GNA14: variants seen among roughly 807,000 people sequenced by gnomAD.
GNA14 encodes the protein G protein subunit alpha 14, also known as guanine nucleotide-binding protein subunit alpha-14.
A neutral mutation model predicts 42.0 loss-of-function variants in GNA14; 50 were observed. The observed-to-expected ratio is 1.19, with a 90% CI of 0.95 to 1.51. The LOEUF is 1.51. GNA14 is among the 40% of genes most tolerant of loss of function. The probability of loss-of-function intolerance (pLI) is 0.00; values close to 1 mark genes in which losing one functional copy is unlikely to be tolerated. For missense variants in GNA14, 473 were observed against 446.2 expected (o/e 1.06, Z -0.54); for synonymous variants, 173 against 163.1 (o/e 1.06, Z -0.46).
chr9:77,579,861 C>T (rs1327922809), intron 1 of GNA14, among the ~76,000 whole-genome samples: 1 of 152,166 alleles, frequency 6.6e-6, no homozygotes, highest in African/African-American at 2.4e-5. Context: ...CCACCAATCC[C>T]CTTGCTAGTT....
At chr9:77,534,919 G>A (rs926463528) in intron 1 of GNA14, among the ~76,000 whole-genome samples, 1 of 152,228 alleles carries the variant, frequency 6.6e-6, no homozygotes. Flanking sequence ...CAGAGTGGAT[G>A]AGTCTGTTGT....
At chr9:77,581,836 T>G (rs1175091994) in intron 1 of GNA14, among the ~76,000 whole-genome samples, 2 of 152,168 alleles carry the variant, frequency 1.3e-5, no homozygotes, top group African/African-American at 4.8e-5. Context: ...GTGGCTCTCC[T>G]CTGCCACCTT....
At chr9:77,620,356 C>T (rs1298401593) in intron 1 of GNA14, among the ~76,000 whole-genome samples, 6 of 152,116 alleles carry the variant, frequency 3.9e-5, no homozygotes. Context: ...AGATAACATC[C>T]AGCTTTTTCA....
At chr9:77,493,089 G>A (rs1587797675) in intron 2 of GNA14, among the ~76,000 whole-genome samples, 1 of 146,350 alleles carries the variant, frequency 6.8e-6, no homozygotes, top group Non-Finnish European at 1.5e-5. Flanking sequence ...GGAGCCAGCA[G>A]TCCTGGCACT....
chr9:77,431,194 T>C (rs1206894010), intron 4 of GNA14, 127 bp downstream of exon 4: 7 of 823,194 alleles, frequency 8.5e-6, no homozygotes, highest in South Asian at 2.2e-5. Flanking sequence ...CTAAATACCC[T>C]TGGCAGAGAG....
At chr9:77,469,365 T>TAAA (rs10537760) in intron 2 of GNA14, among the ~76,000 whole-genome samples, 11 of 116,928 alleles carry the variant, frequency 9.4e-5, no homozygotes, top group African/African-American at 1.6e-4. Context: ...TAAACTGTGT[T>TAAA]AAAAAAAAAA....
At chr9:77,597,335 C>T (rs1390803567) in intron 1 of GNA14, among the ~76,000 whole-genome samples, 1 of 152,080 alleles carries the variant, frequency 6.6e-6, no homozygotes, top group East Asian at 1.9e-4. Context: ...AAACCCTTTT[C>T]GTCTCATAGC....
At chr9:77,622,157 C>T (rs1823933826) in intron 1 of GNA14, among the ~76,000 whole-genome samples, 1 of 152,174 alleles carries the variant, frequency 6.6e-6, no homozygotes, top group African/African-American at 2.4e-5. Flanking sequence ...CAATATTAGA[C>T]TGATGAGTTT....
rs34368561 is a variant in GNA14 at position 77,623,216 on chromosome 9, C to CAAAAAAAAAAAAAAAAAAAAAAAAAA, written c.124+24428_124+24453dup. ...TGGGCAAAAGAGTGAGACGCTGTCT[C>CAAAAAAAAAAAAAAAAAAAAAAAAAA]AAAAAAAAAAAAAAAAAAAAAAAAA... On this transcript the variant is annotated intron_variant, in intron 1 of 6. Coordinates refer to ENST00000341700, the MANE Select transcript of GNA14 (RefSeq NM_004297.4). Among the ~76,000 whole-genome samples the CAAAAAAAAAAAAAAAAAAAAAAAAAA allele has an allele frequency of 2.6e-4, 7 of 26,854 alleles. 2 individuals are homozygous for CAAAAAAAAAAAAAAAAAAAAAAAAAA. The highest frequency in any genetic ancestry group is 6.4e-4 in the Non-Finnish European group (5 of 7,782). 17.6% of individuals were successfully genotyped at this position (26,854 alleles called of 152,430 possible).
chr9:77,524,168 T>C (rs911934194), intron 2 of GNA14, among the ~76,000 whole-genome samples: 2 of 152,168 alleles, frequency 1.3e-5, no homozygotes, highest in Non-Finnish European at 1.5e-5. Context: ...CAAATACATA[T>C]GAATCATTTC....
intron 2 of GNA14, among the ~76,000 whole-genome samples, chr9:77,528,807 C>T (rs1037071005): frequency 6.6e-6 from 1 of 152,148 alleles, no homozygotes; most frequent in Non-Finnish European, 1.5e-5. Context: ...TTCTCAGCGC[C>T]GGAAATAAGG....
chr9:77,433,206 C>T (rs922431228), intron 3 of GNA14, among the ~76,000 whole-genome samples: 1 of 152,082 alleles, frequency 6.6e-6, no homozygotes, highest in Non-Finnish European at 1.5e-5. Flanking sequence ...GAAGGAGGTA[C>T]GTCTGGGGAA....
At chr9:77,576,266 T>C (rs1823127089) in intron 1 of GNA14, among the ~76,000 whole-genome samples, 1 of 152,136 alleles carries the variant, frequency 6.6e-6, no homozygotes, top group Admixed American at 6.6e-5. Flanking sequence ...TGTCCAGTGA[T>C]CGGATAGGGC....
intron 2 of GNA14, among the ~76,000 whole-genome samples, chr9:77,522,095 C>A (rs370393722): frequency 1.3e-5 from 2 of 152,200 alleles, no homozygotes; most frequent in Admixed American, 1.3e-4. Context: ...CCTCGGCCCC[C>A]CAAAGTGCTG....
At chr9:77,489,494 A>C (rs1185760874) in intron 2 of GNA14, among the ~76,000 whole-genome samples, 1 of 152,252 alleles carries the variant, frequency 6.6e-6, no homozygotes, top group African/African-American at 2.4e-5. Context: ...TCAAAAGCAA[A>C]GGACAAGTGT....
At position 77,466,229 on chromosome 9, in the gene GNA14, T is replaced by C. The variant is rs539628479; in HGVS notation, c.310-31707A>G. ...TCTATTCCTTTCTCTGGTCTTGTCC[T>C]GCATTCCATATGCAAATATTGGGGT... is the stretch of plus-strand genomic sequence containing the variant. On this transcript the variant is annotated intron_variant, in intron 2 of 6. Coordinates refer to ENST00000341700, the MANE Select transcript of GNA14 (RefSeq NM_004297.4). Among the ~76,000 whole-genome samples the C allele has an allele frequency of 2.4e-4, 36 of 152,356 alleles. 1 individual carries two copies. Among genetic ancestry groups the C allele is most frequent in the Middle Eastern group, 6.8e-3 (2 of 294 alleles).
intron 1 of GNA14, among the ~76,000 whole-genome samples, chr9:77,620,927 CTT>C (rs1823911853): frequency 6.8e-6 from 1 of 147,688 alleles, no homozygotes; most frequent in South Asian, 2.2e-4. Context: ...TTTAAAATGA[CTT>C]TATTTTTTAT....
In GNA14 at chr9:77,529,151, T is replaced by C. The variant is rs1837488879; in HGVS notation, c.227A>G (p.Tyr76Cys). The C allele has an allele frequency of 1.2e-6, 2 of 1,614,008 alleles. No individual in the cohort carries two copies. Among genetic ancestry groups the C allele is most frequent in the African/African-American group, 2.7e-5 (2 of 74,932 alleles). The part of the protein sequence containing the change: ...EDRKGFTKLV[Y>C]QNIFTAMQAM... ...TTGCATGGCGGTGAATATGTTTTGG[T>C]AAACCAGCTTCGTGAACCCCTTTCT... The change falls in exon 2 of 7, where the codon TAC becomes TGC. Residue 76 changes from tyrosine to cysteine, a missense_variant. Transcript: ENST00000341700.
chr9:77,498,528 T>TC (rs1463718312), intron 2 of GNA14, among the ~76,000 whole-genome samples: 1 of 152,152 alleles, frequency 6.6e-6, no homozygotes, highest in East Asian at 1.9e-4. Context: ...GATGGATGGC[T>TC]CCTAAGAGCC....
Sources: allele counts gnomAD v4.1 joint callset (sites outside exome capture counted in the v4.1 genomes callset), GRCh38; gene constraint gnomAD v4.1.1; transcripts MANE v1.5; gene names NCBI Gene and HGNC (gene_info 2026-07-23, HGNC 2026-07-21).